EIF5A2: variants seen among roughly 807,000 people sequenced by gnomAD.
EIF5A2 encodes the protein eukaryotic translation initiation factor 5A2.
Under a neutral mutation model 16.4 loss-of-function variants are expected in EIF5A2, and 15 were observed. That is an observed-to-expected ratio of 0.92 (90% CI 0.61 to 1.41). The LOEUF is 1.41. Among genes scored for constraint, EIF5A2 ranks in the 40% most tolerant of loss-of-function variants. The pLI is 0.00. For missense variants in EIF5A2, 144 were observed against 189.5 expected (o/e 0.76, Z 1.41); for synonymous variants, 48 against 61.1 (o/e 0.79, Z 1.00).
At chr3:170,898,216 C>T (rs1288263097) in intron 3 of EIF5A2, among the ~76,000 whole-genome samples, 1 of 152,118 alleles carries the variant, frequency 6.6e-6, no homozygotes, top group African/African-American at 2.4e-5. Context: ...TGGACTTGGA[C>T]TTTTGGGTTA....
At chr3:170,904,645 C>G (rs1712887973) in intron 3 of EIF5A2, among the ~76,000 whole-genome samples, 2 of 152,146 alleles carry the variant, frequency 1.3e-5, no homozygotes, top group African/African-American at 4.8e-5. Flanking sequence ...CAGCTGTGTA[C>G]ACCACCATGC....
intron 3 of EIF5A2, among the ~76,000 whole-genome samples, chr3:170,903,438 T>G (rs1470278247): frequency 6.6e-6 from 1 of 152,188 alleles, no homozygotes; most frequent in African/African-American, 2.4e-5. Flanking sequence ...TGCTGTTTTT[T>G]GCAGGTTACA....
chr3:170,902,370 A>G lies in EIF5A2; in HGVS notation c.270+4619T>C, dbSNP rs180893221. ...CCAGAAGTGTGGATTTGCACTGATT[A>G]TGAGCTAATGTGTGAATGCCATTCA... is the stretch of plus-strand genomic sequence containing the variant. On this transcript the variant is annotated intron_variant, in intron 3 of 4. Transcript: ENST00000295822. Among the ~76,000 whole-genome samples the G allele has an allele frequency of 3.5e-5, 5 of 144,826 alleles. No homozygotes were observed. In the East Asian group the frequency reaches 8.5e-4, roughly 25 times the overall value.
At chr3:170,893,963 G>A (rs370618974) in intron 4 of EIF5A2, among the ~76,000 whole-genome samples, 5 of 152,028 alleles carry the variant, frequency 3.3e-5, no homozygotes, top group East Asian at 3.9e-4. Context: ...CCTGGGACGC[G>A]GAGGTTGCAA....
In EIF5A2 at chr3:170,893,231, A is replaced by G. The variant is rs1712578772; in HGVS notation, c.*129T>C. On this transcript the variant is annotated 3_prime_UTR_variant, in exon 5 of 5. Transcript: ENST00000295822. ...CAATTGCTTGCAAAACTAACCCAGCACAATCTGAAAACAATTAAAAAAAGA... is the reference window on the plus strand; with the variant it reads ...CAATTGCTTGCAAAACTAACCCAGCGCAATCTGAAAACAATTAAAAAAAGA... The G allele has an allele frequency of 2.4e-6, 2 of 834,582 alleles. No homozygotes were observed. Among genetic ancestry groups the G allele is most frequent in the Non-Finnish European group, 3.5e-6 (2 of 577,400 alleles). 51.7% of individuals were successfully genotyped at this position (834,582 alleles called of 1,614,324 possible). A position where few individuals can be genotyped will look rare whatever the true frequency, so the allele number is the denominator to read the frequency against.
Position 170,892,525 on chromosome 3 carries a change from T to A in EIF5A2, c.*835A>T, listed in dbSNP as rs1359060431. The A allele has an allele frequency of 5.5e-6, 2 of 363,124 alleles. No individual in the cohort carries two copies. Among genetic ancestry groups the A allele is most frequent in the Middle Eastern group, 7.1e-4 (1 of 1,414 alleles). 22.5% of individuals were successfully genotyped at this position (363,124 alleles called of 1,614,324 possible). ...GTTGGAAAACAAGCATTGCATAGTA[T>A]CATGTAAAGCAGATCACTCCCTTTA... On this transcript the variant is annotated 3_prime_UTR_variant, in exon 5 of 5. Coordinates refer to ENST00000295822, the MANE Select transcript of EIF5A2 (RefSeq NM_020390.6).
chr3:170,906,987 A>C lies in EIF5A2; in HGVS notation c.270+2T>G. The C allele has an allele frequency of 6.4e-7, 1 of 1,574,032 alleles. No homozygotes were observed. The highest frequency in any genetic ancestry group is 8.7e-7 in the Non-Finnish European group (1 of 1,148,138). Reference sequence around the variant, plus strand: ...AACATTCTAAAGAAAATCAGTGCTTACTTGATAATCATTTCTCTTAATATT... The same window carrying C: ...AACATTCTAAAGAAAATCAGTGCTTCCTTGATAATCATTTCTCTTAATATT... On this transcript the variant is annotated splice_donor_variant, in intron 3 of 4. Coordinates refer to ENST00000295822, the MANE Select transcript of EIF5A2 (RefSeq NM_020390.6). LOFTEE classifies it high-confidence loss of function.
chr3:170,904,542 A>G (rs564955180), intron 3 of EIF5A2, among the ~76,000 whole-genome samples: 54 of 152,272 alleles, frequency 3.5e-4, no homozygotes, highest in African/African-American at 1.2e-3. Context: ...CGCCCAGGCT[A>G]GAGTGCAGTG....
intron 3 of EIF5A2, 64 bp from the exon 4 acceptor site, chr3:170,894,487 ATAGT>A (rs1196389251): frequency 1.0e-5 from 15 of 1,470,856 alleles, no homozygotes; most frequent in East Asian, 2.3e-5. Flanking sequence ...TAATGCTTAC[ATAGT>A]TAAATTGCAA....
At position 170,896,039 on chromosome 3, in the gene EIF5A2, G is replaced by C. The variant is rs1017222744; in HGVS notation, c.271-1616C>G. On this transcript the variant is annotated intron_variant, in intron 3 of 4. Coordinates refer to ENST00000295822, the MANE Select transcript of EIF5A2 (RefSeq NM_020390.6). ...AATCTTTCTGATTTCTGTTCTTTTA[G>C]TAATTCCCTAAAGCACAGCTTGTCT... is the stretch of plus-strand genomic sequence containing the variant. 9.9e-5 allele frequency among the ~76,000 whole-genome samples: 15 copies of C among 152,246 alleles called. No individual in the cohort carries two copies. The South Asian group carries it at 2.9e-3, about 29-fold the overall frequency.
At chr3:170,906,689 T>C (rs1712943167) in intron 3 of EIF5A2, among the ~76,000 whole-genome samples, 1 of 152,202 alleles carries the variant, frequency 6.6e-6, no homozygotes. Context: ...GAGAGAATAG[T>C]ACTTTTACTA....
chr3:170,900,575 A>G (rs1314177756), intron 3 of EIF5A2, among the ~76,000 whole-genome samples: 1 of 152,186 alleles, frequency 6.6e-6, no homozygotes, highest in Non-Finnish European at 1.5e-5. Flanking sequence ...ATAAGCTCCC[A>G]CTGGCCAAGA....
At chr3:170,905,893 A>T (rs1046665214) in intron 3 of EIF5A2, among the ~76,000 whole-genome samples, 3 of 152,198 alleles carry the variant, frequency 2.0e-5, no homozygotes, top group African/African-American at 7.2e-5. Flanking sequence ...CTACCTGGTT[A>T]AAAAAACCCA....
At chr3:170,907,564 A>G in intron 2 of EIF5A2, 78 bp downstream of exon 2, 1 of 1,396,210 alleles carries the variant, frequency 7.2e-7, no homozygotes, top group Non-Finnish European at 9.5e-7. Context: ...AAGTATAGAA[A>G]TCTCATGATC....
chr3:170,897,116 G>A (rs1387897957), intron 3 of EIF5A2, among the ~76,000 whole-genome samples: 1 of 152,186 alleles, frequency 6.6e-6, no homozygotes, highest in Non-Finnish European at 1.5e-5. Flanking sequence ...GAGGTAACCT[G>A]GCTTTTTTTG....
In EIF5A2 at chr3:170,893,176, TATAC is replaced by T. The variant is rs1712577460; in HGVS notation, c.*180_*183del. On this transcript the variant is annotated 3_prime_UTR_variant, in exon 5 of 5. Transcript: ENST00000295822. ...CATATCTACAAAATTCAAAAAAAATTATACATATTGATAATTTTTTAAAAATTAT... is the reference window on the plus strand; with the variant it reads ...CATATCTACAAAATTCAAAAAAAATTATATTGATAATTTTTTAAAAATTAT... The T allele has an allele frequency of 6.2e-6, 3 of 481,764 alleles. No homozygotes were observed. The highest frequency in any genetic ancestry group is 1.1e-5 in the Non-Finnish European group (3 of 282,470). The allele number at this position is 481,764 out of a possible 1,614,324, so 29.8% of individuals were successfully genotyped here.
Position 170,894,352 on chromosome 3 carries a change from C to T in EIF5A2, c.342G>A (p.Leu114=), listed in dbSNP as rs2108292225. The T allele has an allele frequency of 6.2e-7, 1 of 1,613,966 alleles. No homozygotes were observed. Among genetic ancestry groups the T allele is most frequent in the East Asian group, 2.2e-5 (1 of 44,830 alleles). ...TTTCTTTGCCTAGTTCACCTTCTGG[C>T]AGTTTAAGATCCTCACGAACTTCAC... ...ETGEVREDLK[L]PEGELGKEIE... Residue 114 remains leucine (L), a synonymous_variant, in exon 4 of 5, where the codon CTG becomes CTA. Coordinates refer to ENST00000295822, the MANE Select transcript of EIF5A2 (RefSeq NM_020390.6).
Position 170,888,517 on chromosome 3 carries a change from ATATT to A in EIF5A2, c.*4839_*4842del, listed in dbSNP as rs1161662803. The A allele has an allele frequency of 2.6e-5, 4 of 152,474 alleles. No homozygotes were observed. Among genetic ancestry groups the A allele is most frequent in the Admixed American group, 1.3e-4 (2 of 15,272 alleles). 9.4% of individuals were successfully genotyped at this position (152,474 alleles called of 1,614,324 possible). A position where few individuals can be genotyped will look rare whatever the true frequency, so the allele number is the denominator to read the frequency against. On this transcript the variant is annotated 3_prime_UTR_variant, in exon 5 of 5. Coordinates refer to ENST00000295822, the MANE Select transcript of EIF5A2 (RefSeq NM_020390.6). ...AGTTATAATTGTTAAGGTATTATCT[ATATT>A]TAAAGGTTTTTTAAGTCAAAGACTT...
At position 170,890,833 on chromosome 3, in the gene EIF5A2, A is replaced by T. The variant is rs529576783; in HGVS notation, c.*2527T>A. ...AAAAGAATGAAGTCACTTCTGTTCT[A>T]TGTTAAAAAATACATGTTCCCCGCT... On this transcript the variant is annotated 3_prime_UTR_variant, in exon 5 of 5. Transcript: ENST00000295822. 5 of 152,728 alleles carry T rather than the reference A, an allele frequency of 3.3e-5. No individual in the cohort carries two copies. In the South Asian group the frequency reaches 1.0e-3, roughly 32 times the overall value. The allele number at this position is 152,728 out of a possible 1,614,324, so 9.5% of individuals were successfully genotyped here.
Sources: gnomAD v4.1 joint callset for allele counts (sites outside exome capture counted in the v4.1 genomes callset) on GRCh38, gnomAD v4.1.1 for gene constraint, MANE v1.5 for transcripts, NCBI Gene and HGNC (gene_info 2026-07-23, HGNC 2026-07-21) for gene names.